Variants in FAM174B observed in about 807,000 individuals in gnomAD.
The protein encoded by FAM174B is membrane protein FAM174B.
Under a neutral mutation model 10.9 loss-of-function variants are expected in FAM174B, and 12 were observed. The observed-to-expected ratio is 1.10, with a 90% confidence interval of 0.71 to 1.79. The LOEUF (loss-of-function observed/expected upper bound fraction) is 1.79, where lower values mean the gene tolerates loss of function less well. Ranked by LOEUF, FAM174B falls within the 40% of genes most tolerant of loss-of-function variation. The pLI is 0.00. For synonymous variants in FAM174B, 132 were observed against 115.8 expected (o/e 1.14, Z -0.90); for missense variants, 266 against 233.3 (o/e 1.14, Z -0.91).
Position 92,619,384 on chromosome 15 carries a change from G to T in FAM174B, c.*72C>A. 6.3e-7 allele frequency: 1 copy of T among 1,590,496 alleles called. No homozygotes were observed. Among genetic ancestry groups the T allele is most frequent in the East Asian group, 2.2e-5 (1 of 44,788 alleles). On this transcript the variant is annotated 3_prime_UTR_variant, in exon 3 of 3. Transcript: ENST00000327355. ...ACCTCCGACGCAAGAGGGCTTCCAG[G>T]TCCAGTCCTTCACACCCCAGGTTGC...
Position 92,618,834 on chromosome 15 carries a change from T to A in FAM174B, c.*622A>T. The A allele has an allele frequency of 7.6e-6, 1 of 131,046 alleles. No individual in the cohort carries two copies. The highest frequency in any genetic ancestry group is 1.5e-5 in the Non-Finnish European group (1 of 66,836). 8.1% of individuals were successfully genotyped at this position (131,046 alleles called of 1,614,324 possible). A position where few individuals can be genotyped will look rare whatever the true frequency, so the allele number is the denominator to read the frequency against. On this transcript the variant is annotated 3_prime_UTR_variant, in exon 3 of 3. Coordinates refer to ENST00000327355, the MANE Select transcript of FAM174B (RefSeq NM_207446.3). ...ACGCTGATTTCTGCTGAACCTTTTT[T>A]TTTTTTAAAAAAAAAAAAAAAGGAA...
intron 2 of FAM174B, 67 bp downstream of exon 2, chr15:92,630,147 C>T: frequency 6.4e-7 from 1 of 1,556,838 alleles, no homozygotes; most frequent in South Asian, 1.1e-5. Context: ...GACACCATGC[C>T]TGACCTCGAG....
At chr15:92,644,500 G>A (rs555159917) in intron 1 of FAM174B, among the ~76,000 whole-genome samples, 4 of 152,166 alleles carry the variant, frequency 2.6e-5, no homozygotes, top group South Asian at 2.1e-4. Flanking sequence ...ATCCAGCTCC[G>A]GCAGAACCCT....
At chr15:92,632,019 G>A (rs561898412) in intron 1 of FAM174B, among the ~76,000 whole-genome samples, 1 of 149,634 alleles carries the variant, frequency 6.7e-6, no homozygotes, top group South Asian at 2.1e-4. Flanking sequence ...CAAACCAGGT[G>A]AGGGAAAATT....
chr15:92,628,476 G>A lies in FAM174B; in HGVS notation c.476+1738C>T, dbSNP rs888555091. Reference sequence around the variant, plus strand: ...ACTACACGCATGAGCCACCATGCCCGAGCCCAGACATTTTCAATTTGTGGT... The same window carrying A: ...ACTACACGCATGAGCCACCATGCCCAAGCCCAGACATTTTCAATTTGTGGT... On this transcript the variant is annotated intron_variant, in intron 2 of 2. Transcript: ENST00000327355. Among the ~76,000 whole-genome samples, 19 of 150,596 alleles carry A rather than the reference G, an allele frequency of 1.3e-4. No homozygotes were observed. The East Asian group carries it at 1.6e-3, about 13-fold the overall frequency.
At chr15:92,621,608 C>CAA (rs34071146) in intron 2 of FAM174B, among the ~76,000 whole-genome samples, 47 of 131,858 alleles carry the variant, frequency 3.6e-4, no homozygotes, top group Middle Eastern at 3.9e-3. Flanking sequence ...AAGATCGTCT[C>CAA]AAAAAAAAAA....
At chr15:92,634,856 AAC>A (rs1424246309) in intron 1 of FAM174B, among the ~76,000 whole-genome samples, 1 of 152,134 alleles carries the variant, frequency 6.6e-6, no homozygotes, top group Non-Finnish European at 1.5e-5. Context: ...AGAACAAAAA[AAC>A]ACAGCTTTCC....
At chr15:92,646,594 C>T (rs2050929581) in intron 1 of FAM174B, among the ~76,000 whole-genome samples, 1 of 152,182 alleles carries the variant, frequency 6.6e-6, no homozygotes, top group South Asian at 2.1e-4. Flanking sequence ...GGGGGTTGGA[C>T]ATACCTGATT....
Position 92,618,046 on chromosome 15 carries a change from G to A in FAM174B, c.*1410C>T, listed in dbSNP as rs1003658817. 2.0e-5 allele frequency: 5 copies of A among 256,238 alleles called. No individual in the cohort carries two copies. Among genetic ancestry groups the A allele is most frequent in the South Asian group, 3.5e-4 (2 of 5,746 alleles). The allele number at this position is 256,238 out of a possible 1,614,324, so 15.9% of individuals were successfully genotyped here. ...ACTCTTCTCAGAAAACTGAAGAACC[G>A]AAGATGGAGGTGAGTCAGGAAAGGC... On this transcript the variant is annotated 3_prime_UTR_variant, in exon 3 of 3. Coordinates refer to ENST00000327355, the MANE Select transcript of FAM174B (RefSeq NM_207446.3).
At chr15:92,622,069 G>C (rs1361750540) in intron 2 of FAM174B, among the ~76,000 whole-genome samples, 2 of 152,226 alleles carry the variant, frequency 1.3e-5, no homozygotes, top group Non-Finnish European at 2.9e-5. Flanking sequence ...GGGCTCTGGG[G>C]AAAGCAGCCG....
At chr15:92,629,913 C>T (rs142786341) in intron 2 of FAM174B, among the ~76,000 whole-genome samples, 466 of 152,278 alleles carry the variant, frequency 3.1e-3, no homozygotes, top group Middle Eastern at 0.01. Context: ...CTGCCATCAT[C>T]CACGTAAGAT....
chr15:92,651,442 GAAT>G (rs767677188), intron 1 of FAM174B, among the ~76,000 whole-genome samples: 5 of 152,074 alleles, frequency 3.3e-5, no homozygotes, highest in African/African-American at 7.2e-5. Flanking sequence ...AACATATCGT[GAAT>G]AATAAAAAAA....
At chr15:92,632,056 A>C (rs2050822805) in intron 1 of FAM174B, among the ~76,000 whole-genome samples, 1 of 151,730 alleles carries the variant, frequency 6.6e-6, no homozygotes, top group South Asian at 2.1e-4. Context: ...TTAAGCCTGC[A>C]CACAGCAGGC....
intron 1 of FAM174B, among the ~76,000 whole-genome samples, chr15:92,635,378 T>C (rs1222314055): frequency 6.6e-6 from 1 of 152,220 alleles, no homozygotes; most frequent in African/African-American, 2.4e-5. Context: ...TTTCCACTGC[T>C]GGGTGTGTTA....
rs1413670292 is a variant in FAM174B, at chr15:92,630,363, C to T, written c.345-18G>A. The T allele has an allele frequency of 1.2e-6, 2 of 1,600,380 alleles. No individual in the cohort carries two copies. Among genetic ancestry groups the T allele is most frequent in the Admixed American group, 3.5e-5 (2 of 57,672 alleles). ...TTCCCGACCTGCAGGAGAAGAAGCACATTCATGAGAACACAGCTGGGAGAG... is the reference window on the plus strand; with the variant it reads ...TTCCCGACCTGCAGGAGAAGAAGCATATTCATGAGAACACAGCTGGGAGAG... On this transcript the variant is annotated intron_variant, in intron 1 of 2. Transcript: ENST00000327355.
In FAM174B at chr15:92,617,596, G is replaced by A. The variant is rs908587176; in HGVS notation, c.*1860C>T. 1.1e-5 allele frequency: 7 copies of A among 637,840 alleles called. No homozygotes were observed. The highest frequency in any genetic ancestry group is 2.5e-4 in the Middle Eastern group (1 of 4,014). The allele number at this position is 637,840 out of a possible 1,614,324, so 39.5% of individuals were successfully genotyped here. ...CCCGGGTGTTTCTGCGTAAGGCAGAGGAATCCAGCTTTTCCATGAGATTCA... is the reference window on the plus strand; with the variant it reads ...CCCGGGTGTTTCTGCGTAAGGCAGAAGAATCCAGCTTTTCCATGAGATTCA... On this transcript the variant is annotated 3_prime_UTR_variant, in exon 3 of 3. Transcript: ENST00000327355.
chr15:92,631,482 TTATA>T (rs71156650), intron 1 of FAM174B, among the ~76,000 whole-genome samples: 6 of 56,250 alleles, frequency 1.1e-4, no homozygotes, highest in Admixed American at 9.4e-4. Flanking sequence ...TTATAATATA[TTATA>T]TATATATATA....
rs1416408908 is a variant in FAM174B at position 92,640,138 on chromosome 15, G to C, written c.345-9793C>G. Among the ~76,000 whole-genome samples the C allele has an allele frequency of 3.9e-5, 6 of 152,238 alleles. No individual in the cohort carries two copies. The East Asian group carries it at 1.2e-3, about 29-fold the overall frequency. ...ACTTTGTATCAGCATAAATTAGACGGATCAGACTTAAATGTAGAAAATAAA... is the reference window on the plus strand; with the variant it reads ...ACTTTGTATCAGCATAAATTAGACGCATCAGACTTAAATGTAGAAAATAAA... On this transcript the variant is annotated intron_variant, in intron 1 of 2. Transcript: ENST00000327355.
intron 2 of FAM174B, among the ~76,000 whole-genome samples, chr15:92,628,457 C>T (rs1296387837): frequency 6.6e-6 from 1 of 150,636 alleles, no homozygotes; most frequent in African/African-American, 2.4e-5. Flanking sequence ...TGAGACTACA[C>T]GCATGAGCCA....
Sources: allele counts gnomAD v4.1 joint callset (sites outside exome capture counted in the v4.1 genomes callset), GRCh38; gene constraint gnomAD v4.1.1; transcripts MANE v1.5; gene names NCBI Gene and HGNC (gene_info 2026-07-23, HGNC 2026-07-21).